The following C12orf54 variants were observed in gnomAD, a reference collection of about 807,000 sequenced individuals.
The protein encoded by C12orf54 is chromosome 12 open reading frame 54.
In C12orf54, 24 loss-of-function variants were observed where a neutral mutation model predicts 26.4. The ratio of observed to expected loss-of-function variants is 0.91; its 90% CI spans 0.66 to 1.28. C12orf54 has a LOEUF of 1.28. Among genes scored for constraint, C12orf54 ranks in the 50% most tolerant of loss-of-function variants. C12orf54 has a pLI of 0.00. For missense variants in C12orf54, 154 were observed against 150.9 expected, an observed-to-expected ratio of 1.02 and a Z score of -0.11; for synonymous variants, 54 against 47.0, an observed-to-expected ratio of 1.15 and a Z score of -0.61.
At chr12:48,426,486 G>A in the C12orf54 span, among the ~76,000 whole-genome samples, 4 of 152,082 alleles carry the variant, frequency 2.6e-5, no homozygotes, top group Non-Finnish European at 5.9e-5. Context: ...GGTTACTGTA[G>A]CCCTGTAGTA....
chr12:48,458,325 C>T, the C12orf54 span, among the ~76,000 whole-genome samples: 1 of 152,202 alleles, frequency 6.6e-6, no homozygotes, highest in African/African-American at 2.4e-5. Flanking sequence ...ACAGTCAAAA[C>T]TCTGAGCTAT....
At chr12:48,434,052 T>C in the C12orf54 span, among the ~76,000 whole-genome samples, 3 of 152,250 alleles carry the variant, frequency 2.0e-5, no homozygotes, top group East Asian at 5.8e-4. Context: ...GAAAATCGGG[T>C]CACTCCCACC....
chr12:48,492,483 G>C (rs1249050239), intron 6 of C12orf54, among the ~76,000 whole-genome samples: 1 of 152,148 alleles, frequency 6.6e-6, no homozygotes, highest in Admixed American at 6.5e-5. Context: ...ACACCCACCT[G>C]ATTACCTGGG....
chr12:48,474,391 G>C, the C12orf54 span, among the ~76,000 whole-genome samples: 1 of 152,156 alleles, frequency 6.6e-6, no homozygotes, highest in African/African-American at 2.4e-5. Flanking sequence ...CCAGACAGTA[G>C]GTGCAGGACA....
At chr12:48,491,194 G>A (rs1290016397) in intron 6 of C12orf54, among the ~76,000 whole-genome samples, 1 of 152,140 alleles carries the variant, frequency 6.6e-6, no homozygotes, top group Non-Finnish European at 1.5e-5. Context: ...CCACAGTTCT[G>A]GAGGCTGGGA....
chr12:48,487,841 G>A (rs945261686), intron 4 of C12orf54: 9 of 510,964 alleles, frequency 1.8e-5, no homozygotes, highest in Non-Finnish European at 3.5e-6. Flanking sequence ...ACAACCCACA[G>A]TTCCAACAGT....
chr12:48,468,990 G>A, the C12orf54 span, among the ~76,000 whole-genome samples: 1 of 152,166 alleles, frequency 6.6e-6, no homozygotes, highest in African/African-American at 2.4e-5. Context: ...TGTATGAATA[G>A]GCTGTGGGTC....
At chr12:48,492,088 C>A (rs1468785001) in intron 6 of C12orf54, among the ~76,000 whole-genome samples, 3 of 152,158 alleles carry the variant, frequency 2.0e-5, no homozygotes, top group African/African-American at 7.2e-5. Flanking sequence ...GAGCCTTCAG[C>A]TGTGGATACA....
chr12:48,483,731 G>A (rs534684030), intron 2 of C12orf54, among the ~76,000 whole-genome samples: 1 of 152,276 alleles, frequency 6.6e-6, no homozygotes, highest in African/African-American at 2.4e-5. Context: ...TGGAAAAGAG[G>A]GCTAGAATCT....
chr12:48,415,094 G>T, the C12orf54 span, among the ~76,000 whole-genome samples: 4 of 152,198 alleles, frequency 2.6e-5, no homozygotes, highest in Admixed American at 2.0e-4. Flanking sequence ...ATTCCCATCA[G>T]TGGCTGTAGA....
the C12orf54 span, chr12:48,472,962 A>G: frequency 7.4e-6 from 12 of 1,614,114 alleles, no homozygotes; most frequent in Non-Finnish European, 8.5e-6. Flanking sequence ...TGGCAACAAA[A>G]TTAAAGACCT....
At chr12:48,477,153 A>G in the C12orf54 span, among the ~76,000 whole-genome samples, 1 of 152,246 alleles carries the variant, frequency 6.6e-6, no homozygotes, top group African/African-American at 2.4e-5. Flanking sequence ...ACTACTGGGT[A>G]AATAATGAAA....
chr12:48,416,748 G>C, the C12orf54 span, among the ~76,000 whole-genome samples: 1 of 152,068 alleles, frequency 6.6e-6, no homozygotes, highest in Non-Finnish European at 1.5e-5. Flanking sequence ...TGTAATCCCA[G>C]CTACTCGGGA....
chr12:48,459,261 T>C, the C12orf54 span, among the ~76,000 whole-genome samples: 1 of 152,156 alleles, frequency 6.6e-6, no homozygotes, highest in Non-Finnish European at 1.5e-5. Flanking sequence ...CAGGAATGCT[T>C]TCACCAATAT....
At chr12:48,460,067 C>A in the C12orf54 span, among the ~76,000 whole-genome samples, 2 of 152,310 alleles carry the variant, frequency 1.3e-5, no homozygotes, top group Non-Finnish European at 2.9e-5. Flanking sequence ...TCTTATCAGG[C>A]AGAATGTTCC....
intron 4 of C12orf54, 22 bp downstream of exon 4, chr12:48,486,748 T>C (rs1411466874): frequency 1.9e-6 from 3 of 1,608,018 alleles, no homozygotes; most frequent in Admixed American, 1.7e-5. Context: ...GGAATCATTT[T>C]TGACAGCATG....
chr12:48,480,826 A>G (rs1382346469), upstream of C12orf54, among the ~76,000 whole-genome samples: 3 of 152,202 alleles, frequency 2.0e-5, no homozygotes, highest in African/African-American at 4.8e-5. Flanking sequence ...TCAATCATGG[A>G]TGGGATAAAG....
chr12:48,447,009 T>A, the C12orf54 span, among the ~76,000 whole-genome samples: 1 of 152,204 alleles, frequency 6.6e-6, no homozygotes, highest in Non-Finnish European at 1.5e-5. Flanking sequence ...TTTCTCTTAG[T>A]GCAAGTCTTT....
the C12orf54 span, among the ~76,000 whole-genome samples, chr12:48,419,537 G>T: frequency 1.3e-5 from 2 of 152,138 alleles, no homozygotes; most frequent in Non-Finnish European, 2.9e-5. Flanking sequence ...GAGCAGATCG[G>T]AATATGTTAG....
Sources: allele counts gnomAD v4.1 joint callset (sites outside exome capture counted in the v4.1 genomes callset), GRCh38; gene constraint gnomAD v4.1.1; transcripts MANE v1.5; gene names NCBI Gene and HGNC (gene_info 2026-07-23, HGNC 2026-07-21).